The following FUT8 variants were observed in gnomAD, a reference collection of about 807,000 sequenced individuals.
FUT8 encodes fucosyltransferase 8.
Under a neutral mutation model 71.3 loss-of-function variants are expected in FUT8, and 29 were observed. The observed-to-expected ratio is 0.41, with a 90% CI of 0.30 to 0.55. FUT8 has a LOEUF of 0.55. Among genes scored for constraint, FUT8 ranks in the 20% least tolerant of loss-of-function variants. FUT8 has a pLI of 0.34. For synonymous variants in FUT8, 254 were observed against 239.3 expected, an observed-to-expected ratio of 1.06 and a Z score of -0.57; for missense variants, 544 against 702.1, an observed-to-expected ratio of 0.77 and a Z score of 2.55.
At chr14:65,537,682 T>A (rs1382346987) in intron 2 of FUT8, among the ~76,000 whole-genome samples, 1 of 152,188 alleles carries the variant, frequency 6.6e-6, no homozygotes, top group Non-Finnish European at 1.5e-5. Flanking sequence ...CCACTGCACC[T>A]GGCCGAGTTG....
At chr14:65,428,444 T>C (rs1194296833) in intron 1 of FUT8, among the ~76,000 whole-genome samples, 3 of 152,166 alleles carry the variant, frequency 2.0e-5, no homozygotes, top group East Asian at 1.9e-4. Context: ...ACCCCCACTT[T>C]CTGCCATCAC....
intron 1 of FUT8, among the ~76,000 whole-genome samples, chr14:65,423,921 CTT>C (rs2065341556): frequency 1.3e-5 from 2 of 152,168 alleles, no homozygotes. Context: ...TTCATGAATT[CTT>C]TTTTTACAAT....
At position 65,652,048 on chromosome 14, in the gene FUT8, C is replaced by T. The variant is rs1891434935; in HGVS notation, c.598-17195C>T. On this transcript the variant is annotated intron_variant, in intron 6 of 10. Coordinates refer to ENST00000673929, the MANE Select transcript of FUT8 (RefSeq NM_001371533.1). The surrounding 1 kb of genome is among the most constrained non-coding windows in gnomAD (Gnocchi z 4.0). ...GTGATTGGAGAGATGTGTCTACAAG[C>T]CAAGGAATGACAAGGATGGCTGGCA... Among the ~76,000 whole-genome samples the T allele has an allele frequency of 6.6e-6, 1 of 152,080 alleles. No homozygotes were observed. The highest frequency in any genetic ancestry group is 1.5e-5 in the Non-Finnish European group (1 of 68,012).
chr14:65,488,983 C>G (rs1310725331), intron 2 of FUT8, among the ~76,000 whole-genome samples: 1 of 152,106 alleles, frequency 6.6e-6, no homozygotes, highest in Non-Finnish European at 1.5e-5. Context: ...CATGGATATA[C>G]TGACTATAAC....
rs1434364898 is a variant in FUT8 at position 65,669,531 on chromosome 14, C to G, written c.835+51C>G. On this transcript the variant is annotated intron_variant, in intron 7 of 10. Transcript: ENST00000673929. The surrounding 1 kb of genome is among the most constrained non-coding windows in gnomAD (Gnocchi z 4.5). ...ATCTCTGGGCTGTTTCACTCAATTA[C>G]CAGATTATTAGATTTCTAGGTAGAC... 4 of 1,277,210 alleles carry G rather than the reference C, an allele frequency of 3.1e-6. No homozygotes were observed. The highest frequency in any genetic ancestry group is 3.4e-6 in the Non-Finnish European group (3 of 878,560). The allele number at this position is 1,277,210 out of a possible 1,614,324, so 79.1% of individuals were successfully genotyped here.
chr14:65,605,935 ATTGCC>A (rs1483802989), intron 3 of FUT8, among the ~76,000 whole-genome samples: 1 of 151,886 alleles, frequency 6.6e-6, no homozygotes, highest in East Asian at 1.9e-4. Flanking sequence ...TTTCTATTAC[ATTGCC>A]TTGCCTTTTT....
chr14:65,523,750 A>G (rs1031050144), intron 2 of FUT8, among the ~76,000 whole-genome samples: 51 of 152,198 alleles, frequency 3.4e-4, no homozygotes, highest in Non-Finnish European at 8.8e-5. Context: ...TAATTTTTGT[A>G]TAAGGTGTAA....
rs374109605 is a variant in FUT8, at chr14:65,448,151, T to A, written c.-325-7470T>A. ...TAGAGATAGTAGCCAAAATATCCAATGGTTATGAACTATAGATTGGGAGCT... is the reference window on the plus strand; with the variant it reads ...TAGAGATAGTAGCCAAAATATCCAAAGGTTATGAACTATAGATTGGGAGCT... On this transcript the variant is annotated intron_variant, in intron 1 of 10. Transcript: ENST00000673929. 1.2e-4 allele frequency among the ~76,000 whole-genome samples: 19 copies of A among 152,312 alleles called. No homozygotes were observed. In the South Asian group the frequency reaches 2.3e-3, roughly 18 times the overall value.
intron 6 of FUT8, among the ~76,000 whole-genome samples, chr14:65,629,826 A>AC (rs1199490615): frequency 1.2e-5 from 1 of 80,938 alleles, no homozygotes; most frequent in Non-Finnish European, 2.6e-5. Flanking sequence ...CTTCTTACAC[A>AC]CGTACACACA....
intron 7 of FUT8, among the ~76,000 whole-genome samples, chr14:65,674,315 G>C (rs1892610982): frequency 6.6e-6 from 1 of 152,134 alleles, no homozygotes; most frequent in African/African-American, 2.4e-5. Context: ...GTCTGATCCA[G>C]TTCTGTTGTT....
chr14:65,523,144 A>G (rs1462196443), intron 2 of FUT8, among the ~76,000 whole-genome samples: 1 of 152,192 alleles, frequency 6.6e-6, no homozygotes, highest in Non-Finnish European at 1.5e-5. Context: ...TTGAGGAATC[A>G]CCACGCTGTC....
chr14:65,712,478 C>G (rs1894854021), intron 7 of FUT8, among the ~76,000 whole-genome samples: 1 of 152,154 alleles, frequency 6.6e-6, no homozygotes, highest in Non-Finnish European at 1.5e-5. Flanking sequence ...AAGTTTCGCT[C>G]TATTGCCCAG....
At chr14:65,568,694 G>A (rs1003048354) in intron 3 of FUT8, among the ~76,000 whole-genome samples, 1 of 149,520 alleles carries the variant, frequency 6.7e-6, no homozygotes, top group African/African-American at 2.5e-5. Context: ...GACTTATGTT[G>A]TTGAATGCTT....
At chr14:65,715,336 A>T (rs1480497005) in intron 7 of FUT8, among the ~76,000 whole-genome samples, 1 of 152,198 alleles carries the variant, frequency 6.6e-6, no homozygotes, top group East Asian at 1.9e-4. Flanking sequence ...TGAAATGATC[A>T]TGTGGCTTTT....
intron 7 of FUT8, among the ~76,000 whole-genome samples, chr14:65,695,655 A>G (rs887158020): frequency 1.3e-5 from 2 of 151,836 alleles, no homozygotes; most frequent in African/African-American, 2.4e-5. Context: ...TGTACCTAAC[A>G]TATAGTTGGT....
chr14:65,719,863 A>G (rs903460968), intron 7 of FUT8, among the ~76,000 whole-genome samples: 1 of 152,018 alleles, frequency 6.6e-6, no homozygotes, highest in Non-Finnish European at 1.5e-5. Context: ...TGGTGACACA[A>G]GCACTTTTGT....
At chr14:65,476,449 TG>T (rs1191667654) in intron 2 of FUT8, among the ~76,000 whole-genome samples, 1 of 152,156 alleles carries the variant, frequency 6.6e-6, no homozygotes, top group Non-Finnish European at 1.5e-5. Flanking sequence ...AGTCTGTTAA[TG>T]TGTGAAATGT....
At chr14:65,691,594 A>ATTCT (rs755116142) in intron 7 of FUT8, among the ~76,000 whole-genome samples, 1 of 151,250 alleles carries the variant, frequency 6.6e-6, no homozygotes. Context: ...ATAGTGTATA[A>ATTCT]TTCTTTATTT....
intron 5 of FUT8, among the ~76,000 whole-genome samples, chr14:65,620,188 C>G (rs943854811): frequency 4.6e-5 from 7 of 151,234 alleles, no homozygotes; most frequent in Non-Finnish European, 4.4e-5. Context: ...ATTTTTTTTA[C>G]CAAGTTCTGT....
Sources: allele counts gnomAD v4.1 joint callset (sites outside exome capture counted in the v4.1 genomes callset), GRCh38; gene constraint gnomAD v4.1.1; non-coding constraint Gnocchi (gnomAD v3.1); transcripts MANE v1.5; gene names NCBI Gene and HGNC (gene_info 2026-07-23, HGNC 2026-07-21).